Variants in HS3ST4 observed in about 807,000 individuals in gnomAD.
HS3ST4 encodes the protein heparan sulfate-glucosamine 3-sulfotransferase 4, also known as heparan sulfate glucosamine 3-O-sulfotransferase 4.
A neutral mutation model predicts 29.2 loss-of-function variants in HS3ST4; 17 were observed. The observed-to-expected ratio is 0.58, with a 90% CI of 0.40 to 0.87. The LOEUF is 0.87. Ranked by LOEUF, HS3ST4 falls within the 40% of genes least tolerant of loss-of-function variation. The pLI, the probability that HS3ST4 is intolerant of heterozygous loss-of-function variation, is 0.00. For missense variants in HS3ST4, 627 were observed against 634.5 expected (o/e 0.99, Z 0.13); for synonymous variants, 314 against 285.7 (o/e 1.10, Z -1.00).
chr16:25,928,559 C>A (rs1429173543), intron 1 of HS3ST4, among the ~76,000 whole-genome samples: 1 of 152,160 alleles, frequency 6.6e-6, no homozygotes, highest in East Asian at 1.9e-4. Flanking sequence ...CATGTGGCCT[C>A]CTATGCTTTG....
intron 1 of HS3ST4, among the ~76,000 whole-genome samples, chr16:25,868,975 G>A (rs1296977156): frequency 6.6e-6 from 1 of 152,162 alleles, no homozygotes; most frequent in Non-Finnish European, 1.5e-5. Flanking sequence ...GTGTCTGTGT[G>A]CATGTGTGTG....
intron 1 of HS3ST4, among the ~76,000 whole-genome samples, chr16:25,698,558 CT>C (rs1966314377): frequency 6.6e-6 from 1 of 152,154 alleles, no homozygotes; most frequent in Non-Finnish European, 1.5e-5. Context: ...TAATTGCTTC[CT>C]TTTAGATTGT....
chr16:25,915,612 A>C (rs1339765403), intron 1 of HS3ST4, among the ~76,000 whole-genome samples: 1 of 152,228 alleles, frequency 6.6e-6, no homozygotes, highest in Non-Finnish European at 1.5e-5. Flanking sequence ...AGGCTGGCTG[A>C]TTCTTACATG....
intron 1 of HS3ST4, among the ~76,000 whole-genome samples, chr16:25,876,717 T>A (rs1967836815): frequency 2.0e-5 from 3 of 152,078 alleles, no homozygotes; most frequent in Admixed American, 2.0e-4. Flanking sequence ...TTACTTTTGT[T>A]AGAAAGAGGA....
intron 1 of HS3ST4, among the ~76,000 whole-genome samples, chr16:25,705,481 C>A (rs1290678072): frequency 6.6e-6 from 1 of 151,948 alleles, no homozygotes; most frequent in Admixed American, 6.6e-5. Flanking sequence ...CTGGCTAACA[C>A]GGTGAAACCC....
chr16:26,064,785 T>A (rs1898523559), intron 1 of HS3ST4, among the ~76,000 whole-genome samples: 2 of 151,976 alleles, frequency 1.3e-5, no homozygotes, highest in Admixed American at 1.3e-4. Context: ...ACCGGGCTGA[T>A]TTTGTATTTT....
chr16:25,793,205 C>G (rs955521302), intron 1 of HS3ST4, among the ~76,000 whole-genome samples: 1 of 151,822 alleles, frequency 6.6e-6, no homozygotes, highest in Non-Finnish European at 1.5e-5. Flanking sequence ...CAGAGTATGG[C>G]AAGTTTTAAT....
chr16:25,987,415 G>C (rs550165910), intron 1 of HS3ST4, among the ~76,000 whole-genome samples: 1 of 152,010 alleles, frequency 6.6e-6, no homozygotes, highest in Non-Finnish European at 1.5e-5. Flanking sequence ...CTTTGTGCCT[G>C]TAAGTACTTT....
chr16:25,904,472 T>C (rs1042195327), intron 1 of HS3ST4, among the ~76,000 whole-genome samples: 2 of 152,172 alleles, frequency 1.3e-5, no homozygotes, highest in African/African-American at 4.8e-5. Flanking sequence ...AGAGGTGAGA[T>C]TATTAAATGG....
At position 26,106,899 on chromosome 16, in the gene HS3ST4, A is replaced by G. The variant is rs144485931; in HGVS notation, c.735-28713A>G. ...GCCCTGTGGGCAAGGGCTTAGGCAA[A>G]GCCAAAACAGCAACAACTGATATTT... On this transcript the variant is annotated intron_variant, in intron 1 of 1. Coordinates refer to ENST00000331351, the MANE Select transcript of HS3ST4 (RefSeq NM_006040.3). Among the ~76,000 whole-genome samples, 134 of 152,312 alleles carry G rather than the reference A, an allele frequency of 8.8e-4. 1 individual carries two copies. The highest frequency in any genetic ancestry group is 3.1e-3 in the African/African-American group (130 of 41,580).
At chr16:25,942,482 C>A (rs940389840) in intron 1 of HS3ST4, among the ~76,000 whole-genome samples, 1 of 152,138 alleles carries the variant, frequency 6.6e-6, no homozygotes, top group African/African-American at 2.4e-5. Flanking sequence ...TCAAAGAGTA[C>A]TGAAAAACAG....
chr16:25,830,402 CCT>C (rs1285632960), intron 1 of HS3ST4, among the ~76,000 whole-genome samples: 1 of 152,186 alleles, frequency 6.6e-6, no homozygotes, highest in East Asian at 1.9e-4. Flanking sequence ...GTGTCCTGAG[CCT>C]CTGTCTTGCC....
At chr16:25,914,319 G>T (rs114063087) in intron 1 of HS3ST4, among the ~76,000 whole-genome samples, 1 of 150,224 alleles carries the variant, frequency 6.7e-6, no homozygotes. Context: ...GTGTGTATAG[G>T]GGTATATGTG....
intron 1 of HS3ST4, among the ~76,000 whole-genome samples, chr16:25,748,083 A>G (rs571859449): frequency 4.6e-5 from 7 of 152,260 alleles, no homozygotes; most frequent in African/African-American, 1.7e-4. Context: ...TTATAATTAT[A>G]CTTCCCTAAT....
chr16:26,032,851 G>C, intron 1 of HS3ST4: 1 of 1,560,872 alleles, frequency 6.4e-7, no homozygotes, highest in South Asian at 1.1e-5. Flanking sequence ...GGTGCTGGAC[G>C]CGGGATGCAG....
intron 1 of HS3ST4, among the ~76,000 whole-genome samples, chr16:25,865,908 TG>T (rs1967689563): frequency 2.0e-5 from 3 of 152,178 alleles, no homozygotes; most frequent in African/African-American, 7.2e-5. Context: ...AACATTTCTA[TG>T]GGCAAATTTT....
At chr16:25,711,258 AGCCCTG>A (rs1027316709) in intron 1 of HS3ST4, among the ~76,000 whole-genome samples, 30 of 152,026 alleles carry the variant, frequency 2.0e-4, no homozygotes, top group African/African-American at 7.0e-4. Context: ...TGATTTTCCG[AGCCCTG>A]CTGTGCGTTG....
At chr16:26,112,574 A>G (rs1209648959) in intron 1 of HS3ST4, among the ~76,000 whole-genome samples, 1 of 152,030 alleles carries the variant, frequency 6.6e-6, no homozygotes. Context: ...CCATCTGAAG[A>G]TGATAAAGAA....
intron 1 of HS3ST4, among the ~76,000 whole-genome samples, chr16:25,930,328 G>T (rs551099600): frequency 2.2e-4 from 33 of 152,256 alleles, no homozygotes; most frequent in African/African-American, 7.2e-4. Context: ...CTCTAGGCCA[G>T]CCCTGTCTAA....
Sources: gnomAD v4.1 joint callset for allele counts (sites outside exome capture counted in the v4.1 genomes callset) on GRCh38, gnomAD v4.1.1 for gene constraint, MANE v1.5 for transcripts, NCBI Gene and HGNC (gene_info 2026-07-23, HGNC 2026-07-21) for gene names.